The following TMEM74 variants were observed in gnomAD, a reference collection of about 807,000 sequenced individuals.
TMEM74 encodes the protein transmembrane protein 74.
Under a neutral mutation model 18.1 loss-of-function variants are expected in TMEM74, and 13 were observed. That is an observed-to-expected ratio of 0.72 (90% confidence interval 0.47 to 1.14). The LOEUF is 1.14. Ranked by LOEUF, TMEM74 falls within the 50% of genes most tolerant of loss-of-function variation. The pLI is 0.00. For missense variants in TMEM74, 372 were observed against 375.9 expected (o/e 0.99, Z 0.09); for synonymous variants, 159 against 146.6 (o/e 1.08, Z -0.61).
At chr8:108,751,749 T>A (rs576764553) in intron 1 of TMEM74, among the ~76,000 whole-genome samples, 1 of 152,180 alleles carries the variant, frequency 6.6e-6, no homozygotes, top group South Asian at 2.1e-4. Context: ...CAAACCTACC[T>A]AGACTAAAGG....
At chr8:108,698,931 T>C (rs1813307469) in intron 1 of TMEM74, among the ~76,000 whole-genome samples, 1 of 152,166 alleles carries the variant, frequency 6.6e-6, no homozygotes, top group Admixed American at 6.5e-5. Context: ...CTTTGGTGTC[T>C]GTAAATGTGA....
chr8:108,626,640 G>A (rs2130548040), intron 2 of TMEM74: 1 of 152,148 alleles, frequency 6.6e-6, no homozygotes, highest in South Asian at 2.1e-4. Flanking sequence ...AATCTGATAT[G>A]GAAGATGGCT....
chr8:108,686,289 C>G (rs991571969), intron 1 of TMEM74, among the ~76,000 whole-genome samples: 2 of 152,130 alleles, frequency 1.3e-5, no homozygotes, highest in African/African-American at 4.8e-5. Context: ...AGCTCCACCT[C>G]CTGGGTTCAC....
chr8:108,647,502 T>A (rs1039185229), intron 2 of TMEM74, among the ~76,000 whole-genome samples: 1 of 151,970 alleles, frequency 6.6e-6, no homozygotes, highest in East Asian at 1.9e-4. Context: ...AGCTGATCAA[T>A]GAAAGGCTAG....
intron 1 of TMEM74, among the ~76,000 whole-genome samples, chr8:108,760,787 C>T (rs1814034950): frequency 6.6e-6 from 1 of 151,906 alleles, no homozygotes; most frequent in Non-Finnish European, 1.5e-5. Flanking sequence ...TATAGTGAAC[C>T]TGTGAGTGCT....
intron 1 of TMEM74, among the ~76,000 whole-genome samples, chr8:108,749,035 G>T (rs1354165356): frequency 1.3e-5 from 2 of 152,040 alleles, no homozygotes; most frequent in Non-Finnish European, 2.9e-5. Flanking sequence ...ATGTTGTTTT[G>T]GTTACTGTAA....
intron 1 of TMEM74, among the ~76,000 whole-genome samples, chr8:108,759,283 T>C (rs1586287590): frequency 6.6e-6 from 1 of 152,108 alleles, no homozygotes; most frequent in Non-Finnish European, 1.5e-5. Context: ...GTGAACTGTT[T>C]CATCTGCTAT....
At chr8:108,756,596 G>GGA (rs1554577362) in intron 1 of TMEM74, among the ~76,000 whole-genome samples, 52 of 53,248 alleles carry the variant, frequency 9.8e-4, no homozygotes, top group African/African-American at 3.2e-3. Flanking sequence ...AAGAAAGAAA[G>GGA]AGAAAGGAAG....
chr8:108,702,082 T>C (rs1289457027), intron 1 of TMEM74, among the ~76,000 whole-genome samples: 1 of 152,046 alleles, frequency 6.6e-6, no homozygotes, highest in Non-Finnish European at 1.5e-5. Context: ...TGGTGGCTCA[T>C]GCTGGCAATC....
At chr8:108,656,256 G>A (rs1196778327) in intron 1 of TMEM74, among the ~76,000 whole-genome samples, 1 of 152,152 alleles carries the variant, frequency 6.6e-6, no homozygotes, top group Non-Finnish European at 1.5e-5. Context: ...AAATCTTAGT[G>A]GTAAAGGTTG....
intron 1 of TMEM74, among the ~76,000 whole-genome samples, chr8:108,700,028 A>G (rs1446195976): frequency 6.6e-6 from 1 of 152,168 alleles, no homozygotes; most frequent in Admixed American, 6.5e-5. Context: ...ATATTTTGTG[A>G]CAAAGAGGAC....
At chr8:108,760,167 A>G (rs374459042) in intron 1 of TMEM74, among the ~76,000 whole-genome samples, 1 of 150,936 alleles carries the variant, frequency 6.6e-6, no homozygotes, top group Non-Finnish European at 1.5e-5. Context: ...AGAGAGAGAG[A>G]GAGAGAGGGA....
intron 1 of TMEM74, among the ~76,000 whole-genome samples, chr8:108,656,053 T>C (rs1162227994): frequency 1.3e-5 from 2 of 152,176 alleles, no homozygotes; most frequent in Non-Finnish European, 2.9e-5. Context: ...AGAAGTGCTC[T>C]TATTCCTCAC....
chr8:108,777,174 G>T (rs977109631), downstream of TMEM74, among the ~76,000 whole-genome samples: 8 of 152,166 alleles, frequency 5.3e-5, no homozygotes, highest in African/African-American at 1.9e-4. Flanking sequence ...AGAGGAGCAG[G>T]CATTCAAACT....
chr8:108,685,742 T>C (rs1813161224), intron 1 of TMEM74, among the ~76,000 whole-genome samples: 1 of 152,136 alleles, frequency 6.6e-6, no homozygotes, highest in Admixed American at 6.5e-5. Context: ...AATAGAATTG[T>C]CTGAGAGAAG....
At chr8:108,701,040 C>A (rs574900531) in intron 1 of TMEM74, among the ~76,000 whole-genome samples, 7 of 151,990 alleles carry the variant, frequency 4.6e-5, no homozygotes, top group African/African-American at 1.7e-4. Flanking sequence ...AATTATACAC[C>A]TTGACCAAGT....
At chr8:108,678,878 C>T (rs1275273784) in intron 1 of TMEM74, among the ~76,000 whole-genome samples, 2 of 151,034 alleles carry the variant, frequency 1.3e-5, no homozygotes, top group Non-Finnish European at 3.0e-5. Flanking sequence ...GGTATATCTC[C>T]TAATGCCATC....
At chr8:108,692,052 G>A (rs79410436) in intron 1 of TMEM74, among the ~76,000 whole-genome samples, 4,459 of 152,242 alleles carry the variant, frequency 0.029, 119 homozygotes, top group African/African-American at 0.066. Context: ...GACCTTCCAT[G>A]TAGCTGTGAG....
intron 1 of TMEM74, 133 bp downstream of exon 1, chr8:108,787,343 G>A (rs541948175): frequency 2.0e-5 from 3 of 152,196 alleles, no homozygotes; most frequent in South Asian, 2.1e-4. Context: ...AGGCATTCGA[G>A]GTACGGATGT....
Sources: gnomAD v4.1 joint callset for allele counts (sites outside exome capture counted in the v4.1 genomes callset) on GRCh38, gnomAD v4.1.1 for gene constraint, MANE v1.5 for transcripts, NCBI Gene and HGNC (gene_info 2026-07-23, HGNC 2026-07-21) for gene names.